Variants in CFDP1 observed in about 807,000 individuals in gnomAD.
CFDP1 encodes heterochromatin-stabilizing protein CFDP1.
Under a neutral mutation model 40.1 loss-of-function variants are expected in CFDP1, and 31 were observed. The observed-to-expected ratio is 0.77, with a 90% CI of 0.58 to 1.04. CFDP1 has a LOEUF of 1.04. CFDP1 is among the 50% of genes least tolerant of loss of function. The pLI is 0.00. For missense variants in CFDP1, 423 were observed against 343.4 expected (o/e 1.23, Z -1.83); for synonymous variants, 167 against 120.0 (o/e 1.39, Z -2.56).
chr16:75,303,428 T>C (rs1259619735), intron 6 of CFDP1, among the ~76,000 whole-genome samples: 4 of 151,522 alleles, frequency 2.6e-5, no homozygotes, highest in African/African-American at 9.7e-5. Context: ...TGTATGTATG[T>C]TTAGGGAAAA....
At chr16:75,378,032 T>C (rs1348706004) in intron 5 of CFDP1, among the ~76,000 whole-genome samples, 2 of 152,188 alleles carry the variant, frequency 1.3e-5, no homozygotes, top group Admixed American at 6.5e-5. Context: ...CAAGAGTTTC[T>C]TGTTATCCAC....
chr16:75,401,473 G>A (rs924467546), intron 4 of CFDP1, among the ~76,000 whole-genome samples: 4 of 151,180 alleles, frequency 2.6e-5, no homozygotes, highest in Non-Finnish European at 5.9e-5. Flanking sequence ...GGTAGCAGGT[G>A]CCTGTAATCC....
rs539264971 is a variant in CFDP1, at chr16:75,352,098, C to T, written c.650+42992G>A. On this transcript the variant is annotated intron_variant, in intron 5 of 6. Coordinates refer to ENST00000283882, the MANE Select transcript of CFDP1 (RefSeq NM_006324.3). ...GCTCACACCTGTAATCCCAGCACTCCGGGAGGCTGAGGTGGGTGGATTACT... is the reference window on the plus strand; with the variant it reads ...GCTCACACCTGTAATCCCAGCACTCTGGGAGGCTGAGGTGGGTGGATTACT... Among the ~76,000 whole-genome samples, 35 of 147,732 alleles carry T rather than the reference C, an allele frequency of 2.4e-4. 1 individual carries two copies. The highest frequency in any genetic ancestry group is 4.4e-4 in the South Asian group (2 of 4,572).
intron 5 of CFDP1, among the ~76,000 whole-genome samples, chr16:75,330,974 A>AAC (rs1555554954): frequency 6.6e-6 from 1 of 151,504 alleles, no homozygotes; most frequent in African/African-American, 2.4e-5. Flanking sequence ...AAAAAAAAAA[A>AAC]AAAAAAAAAA....
chr16:75,335,302 A>G (rs1403455663), intron 5 of CFDP1, among the ~76,000 whole-genome samples: 7 of 152,200 alleles, frequency 4.6e-5, no homozygotes, highest in Admixed American at 4.6e-4. Context: ...AGGGGGAAAA[A>G]TAACTTAAAC....
intron 5 of CFDP1, among the ~76,000 whole-genome samples, chr16:75,330,345 G>A (rs2151514605): frequency 6.6e-6 from 1 of 152,316 alleles, no homozygotes; most frequent in African/African-American, 2.4e-5. Flanking sequence ...CCAACACTTT[G>A]GGAGGCCAAG....
chr16:75,340,624 A>AT (rs994704971), intron 5 of CFDP1, among the ~76,000 whole-genome samples: 1 of 152,192 alleles, frequency 6.6e-6, no homozygotes, highest in Non-Finnish European at 1.5e-5. Flanking sequence ...AAGAGGAACT[A>AT]TTTTTTGGAC....
rs71380718 is a variant in CFDP1 at position 75,335,554 on chromosome 16, AT to A, written c.651-30373del. On this transcript the variant is annotated intron_variant, in intron 5 of 6. Transcript: ENST00000283882. ...CTATAAGCACTTTTGACAAATCTCCATTTTTTTTTTTTTTTTTTTTTAGACG... is the reference window on the plus strand; with the variant it reads ...CTATAAGCACTTTTGACAAATCTCCATTTTTTTTTTTTTTTTTTTTAGACG... Among the ~76,000 whole-genome samples, 1,169 of 121,354 alleles carry A rather than the reference AT, an allele frequency of 9.6e-3. 8 individuals carry two copies. Among genetic ancestry groups the A allele is most frequent in the African/African-American group, 0.023 (719 of 31,570 alleles). 79.6% of individuals were successfully genotyped at this position (121,354 alleles called of 152,430 possible). A position where few individuals can be genotyped will look rare whatever the true frequency, so the allele number is the denominator to read the frequency against.
In CFDP1 at chr16:75,317,041, C is replaced by G. The variant is rs370745465; in HGVS notation, c.651-11859G>C. 1.1e-4 allele frequency among the ~76,000 whole-genome samples: 16 copies of G among 152,256 alleles called. No individual in the cohort carries two copies. The South Asian group carries it at 3.1e-3, about 30-fold the overall frequency. ...AAATAAAAAGTAAAAGAGCAGTTAA[C>G]TAGAGAAAAGGCAAAAGGCTATGGG... On this transcript the variant is annotated intron_variant, in intron 5 of 6. Transcript: ENST00000283882.
chr16:75,341,731 GA>G (rs923339313), intron 5 of CFDP1, among the ~76,000 whole-genome samples: 1 of 151,650 alleles, frequency 6.6e-6, no homozygotes, highest in African/African-American at 2.4e-5. Flanking sequence ...ATTTCTGGGG[GA>G]GGCCAAGCTG....
intron 1 of CFDP1, among the ~76,000 whole-genome samples, chr16:75,423,512 G>T (rs1055659827): frequency 1.6e-4 from 24 of 151,708 alleles, no homozygotes; most frequent in African/African-American, 5.8e-4. Flanking sequence ...CGTTGGCGAG[G>T]TTGGTTTTTT....
intron 5 of CFDP1, among the ~76,000 whole-genome samples, chr16:75,341,210 T>C (rs1354175750): frequency 6.6e-6 from 1 of 152,174 alleles, no homozygotes; most frequent in Non-Finnish European, 1.5e-5. Context: ...TTTATGTAAA[T>C]GTTAATGGCT....
chr16:75,380,411 G>A (rs1458554843), intron 5 of CFDP1, among the ~76,000 whole-genome samples: 1 of 152,146 alleles, frequency 6.6e-6, no homozygotes, highest in Non-Finnish European at 1.5e-5. Flanking sequence ...AGGGTGGGGT[G>A]GGGGAAGACA....
chr16:75,347,753 A>G (rs1389647747), intron 5 of CFDP1, among the ~76,000 whole-genome samples: 8 of 152,234 alleles, frequency 5.3e-5, no homozygotes, highest in Admixed American at 5.2e-4. Context: ...ACATCTGACA[A>G]ACTCCATCTT....
intron 1 of CFDP1, among the ~76,000 whole-genome samples, chr16:75,429,742 A>G (rs928998937): frequency 1.3e-5 from 2 of 152,254 alleles, no homozygotes; most frequent in Non-Finnish European, 2.9e-5. Context: ...TCAGAAGATT[A>G]AAGTGAAAAT....
At position 75,395,072 on chromosome 16, in the gene CFDP1, TGA is replaced by T. The variant is rs781068749; in HGVS notation, c.650+16_650+17del. The T allele has an allele frequency of 6.2e-6, 10 of 1,612,902 alleles. No individual in the cohort carries two copies. The South Asian group carries it at 9.9e-5, about 16-fold the overall frequency. ...CCAACGTGCCAAGTACATCAGGGAG[TGA>T]GACTCAAATACTCACCCTGACCCGG... On this transcript the variant is annotated intron_variant, in intron 5 of 6. Transcript: ENST00000283882.
In CFDP1 at chr16:75,359,112, A is replaced by G. The variant is rs188731896; in HGVS notation, c.650+35978T>C. Among the ~76,000 whole-genome samples, 6 of 152,360 alleles carry G rather than the reference A, an allele frequency of 3.9e-5. No individual in the cohort carries two copies. The East Asian group carries it at 1.2e-3, about 29-fold the overall frequency. On this transcript the variant is annotated intron_variant, in intron 5 of 6. Coordinates refer to ENST00000283882, the MANE Select transcript of CFDP1 (RefSeq NM_006324.3). ...TAATTCAGCCAAAACAACTGATTAA[A>G]ATAGACTGAATGGAAAAGCAGATCT...
intron 5 of CFDP1, among the ~76,000 whole-genome samples, chr16:75,345,389 G>A (rs1248029813): frequency 6.6e-6 from 1 of 152,126 alleles, no homozygotes; most frequent in Non-Finnish European, 1.5e-5. Flanking sequence ...TGTGGGAAGT[G>A]CAAGTTGCAG....
At chr16:75,368,121 C>T (rs141073657) in intron 5 of CFDP1, among the ~76,000 whole-genome samples, 3 of 152,140 alleles carry the variant, frequency 2.0e-5, no homozygotes, top group African/African-American at 4.8e-5. Context: ...AAAGATTTAA[C>T]GGTCAAATGG....
Sources: gnomAD v4.1 joint callset for allele counts (sites outside exome capture counted in the v4.1 genomes callset) on GRCh38, gnomAD v4.1.1 for gene constraint, MANE v1.5 for transcripts, NCBI Gene and HGNC (gene_info 2026-07-23, HGNC 2026-07-21) for gene names.